Variants in CRPPA observed in about 807,000 individuals in gnomAD.
CRPPA encodes D-ribitol-5-phosphate cytidylyltransferase.
In CRPPA, 43 loss-of-function variants were observed where a neutral mutation model predicts 52.0. That is an observed-to-expected ratio of 0.83 (90% CI 0.65 to 1.07). CRPPA has a LOEUF of 1.07. CRPPA is among the 50% of genes least tolerant of loss of function. The pLI is 0.00. For synonymous variants in CRPPA, 250 were observed against 203.5 expected (o/e 1.23, Z -1.94); for missense variants, 629 against 551.7 (o/e 1.14, Z -1.40).
chr7:16,266,527 G>T (rs1173400768), intron 6 of CRPPA, among the ~76,000 whole-genome samples: 3 of 149,436 alleles, frequency 2.0e-5, no homozygotes, highest in Non-Finnish European at 4.4e-5. Context: ...CACCCATGCT[G>T]GAGTGCAGTC....
chr7:16,265,234 T>TAA (rs1431852741), intron 6 of CRPPA, among the ~76,000 whole-genome samples: 1 of 152,172 alleles, frequency 6.6e-6, no homozygotes, highest in Non-Finnish European at 1.5e-5. Context: ...CCATAGGACT[T>TAA]AAACCCTAGC....
intron 9 of CRPPA, among the ~76,000 whole-genome samples, chr7:16,167,289 T>A (rs1781088731): frequency 6.6e-6 from 1 of 152,168 alleles, no homozygotes; most frequent in Non-Finnish European, 1.5e-5. Flanking sequence ...AATTGGCACT[T>A]ATTTATACAC....
Position 16,089,635 on chromosome 7 carries a change from AT to A in CRPPA, c.*2059del, listed in dbSNP as rs71007743. 118 of 198,234 alleles carry A rather than the reference AT, an allele frequency of 6.0e-4. 1 individual carries two copies. The highest frequency in any genetic ancestry group is 1.3e-3 in the Middle Eastern group (2 of 1,536). 12.3% of individuals were successfully genotyped at this position (198,234 alleles called of 1,614,324 possible). ...TACATACATGTATATGTATGTATGT[AT>A]TTTTTTTTCCCAATGCTGTGAATTG... On this transcript the variant is annotated 3_prime_UTR_variant, in exon 10 of 10. Transcript: ENST00000407010.
chr7:16,241,968 T>TTG (rs1783121892), intron 8 of CRPPA, among the ~76,000 whole-genome samples: 1 of 138,946 alleles, frequency 7.2e-6, no homozygotes, highest in Non-Finnish European at 1.5e-5. Flanking sequence ...TTTTTTTTTT[T>TTG]GTTGGGGGGA....
chr7:16,170,433 C>T (rs1781156431), intron 9 of CRPPA, among the ~76,000 whole-genome samples: 1 of 152,172 alleles, frequency 6.6e-6, no homozygotes, highest in African/African-American at 2.4e-5. Flanking sequence ...GAGTTTCTTC[C>T]TTCTGGTGGG....
intron 8 of CRPPA, among the ~76,000 whole-genome samples, chr7:16,242,233 C>T (rs1033633600): frequency 1.3e-5 from 2 of 151,966 alleles, no homozygotes; most frequent in African/African-American, 4.8e-5. Context: ...GGATTACAGG[C>T]TTGAGACACC....
intron 3 of CRPPA, among the ~76,000 whole-genome samples, chr7:16,369,996 C>G (rs1300868917): frequency 1.3e-5 from 2 of 152,162 alleles, no homozygotes; most frequent in Non-Finnish European, 2.9e-5. Context: ...CAGAGCTGGA[C>G]TGGATTTAGG....
intron 3 of CRPPA, among the ~76,000 whole-genome samples, chr7:16,338,965 G>A (rs1179252945): frequency 6.6e-6 from 1 of 151,898 alleles, no homozygotes; most frequent in African/African-American, 2.4e-5. Flanking sequence ...ACAGGCATCC[G>A]TCACCACGCC....
At chr7:16,276,880 G>A (rs373118985) in intron 6 of CRPPA, 1 of 152,130 alleles carries the variant, frequency 6.6e-6, no homozygotes, top group Admixed American at 6.5e-5. Context: ...CTTTAGAAAG[G>A]AGGAGGTAGA....
chr7:16,243,343 A>T (rs1049332918), intron 8 of CRPPA, among the ~76,000 whole-genome samples: 1 of 152,214 alleles, frequency 6.6e-6, no homozygotes, highest in African/African-American at 2.4e-5. Flanking sequence ...TGTCTAGAGT[A>T]GTATCTTTAT....
rs373422736 is a variant in CRPPA at position 16,258,956 on chromosome 7, G to C, written c.990C>G (p.Ile330Met). 1.2e-5 allele frequency: 19 copies of C among 1,611,022 alleles called. No individual in the cohort carries two copies. In the African/African-American group the frequency reaches 2.5e-4, roughly 22 times the overall value. Residue 330 changes from isoleucine (I) to methionine (M), a missense_variant, in exon 7 of 10, where the codon ATC becomes ATG. Ile to Met is a conservative substitution (Grantham distance 10). Transcript: ENST00000407010. ...LGHAGRHLQQ[I>M]ILDQCYNFVC... Reference sequence around the variant, plus strand: ...CAAAATTGTAGCATTGATCTAAGATGATTTGCTGAAGATGTCTGCCAGCAT... The same window carrying C: ...CAAAATTGTAGCATTGATCTAAGATCATTTGCTGAAGATGTCTGCCAGCAT...
intron 3 of CRPPA, among the ~76,000 whole-genome samples, chr7:16,342,074 T>C (rs2704678): frequency 0.36 from 54,933 of 151,976 alleles, 10,363 homozygotes; most frequent in African/African-American, 0.47. Flanking sequence ...CACAGGCACC[T>C]ACACACTTTA....
At chr7:16,319,021 T>C (rs1289483827) in intron 3 of CRPPA, among the ~76,000 whole-genome samples, 3 of 152,192 alleles carry the variant, frequency 2.0e-5, no homozygotes, top group African/African-American at 7.2e-5. Context: ...CATCTCAATA[T>C]ACCCTAACAC....
chr7:16,327,463 G>T (rs1273166180), intron 3 of CRPPA, among the ~76,000 whole-genome samples: 1 of 151,884 alleles, frequency 6.6e-6, no homozygotes. Flanking sequence ...CGCGGTGGCG[G>T]GCGCCTGTAG....
At chr7:16,297,067 A>G (rs976017996) in intron 5 of CRPPA, among the ~76,000 whole-genome samples, 1 of 152,182 alleles carries the variant, frequency 6.6e-6, no homozygotes, top group African/African-American at 2.4e-5. Context: ...AGGAGTAGCT[A>G]TGTGAATCAG....
intron 9 of CRPPA, among the ~76,000 whole-genome samples, chr7:16,160,182 T>G (rs371869683): frequency 2.0e-5 from 3 of 152,250 alleles, no homozygotes; most frequent in Admixed American, 2.0e-4. Flanking sequence ...TAGATCCCAT[T>G]TGTCAATATT....
Position 16,096,531 on chromosome 7 carries a change from G to T in CRPPA, c.1252-4732C>A, listed in dbSNP as rs145389069. ...AGTTTTATAATGAATAGGCAGAGCA[G>T]AACACAGTACAAGCAATCTTGAAGA... is the stretch of plus-strand genomic sequence containing the variant. On this transcript the variant is annotated intron_variant, in intron 9 of 9. Transcript: ENST00000407010. Among the ~76,000 whole-genome samples, 371 of 152,204 alleles carry T rather than the reference G, an allele frequency of 2.4e-3. 1 individual carries two copies. Among genetic ancestry groups the T allele is most frequent in the Non-Finnish European group, 3.9e-3 (266 of 68,002 alleles).
At chr7:16,160,662 A>C (rs1308773623) in intron 9 of CRPPA, among the ~76,000 whole-genome samples, 1 of 152,088 alleles carries the variant, frequency 6.6e-6, no homozygotes, top group Non-Finnish European at 1.5e-5. Context: ...TTTTTGGTTC[A>C]ATATGAAATT....
In CRPPA at chr7:16,312,801, T is replaced by C. The variant is rs1467077875; in HGVS notation, c.685-4174A>G. On this transcript the variant is annotated intron_variant, in intron 3 of 9. Transcript: ENST00000407010. Reference sequence around the variant, plus strand: ...TGTATCATAAATGAGTGTTGTATTTTGTCAAATGCTTTTTCTCTATCCATT... The same window carrying C: ...TGTATCATAAATGAGTGTTGTATTTCGTCAAATGCTTTTTCTCTATCCATT... Among the ~76,000 whole-genome samples, 5 of 152,040 alleles carry C rather than the reference T, an allele frequency of 3.3e-5. No homozygotes were observed. In the East Asian group the frequency reaches 7.7e-4, roughly 23 times the overall value.
Sources: allele counts gnomAD v4.1 joint callset (sites outside exome capture counted in the v4.1 genomes callset), GRCh38; gene constraint gnomAD v4.1.1; transcripts MANE v1.5; gene names NCBI Gene and HGNC (gene_info 2026-07-23, HGNC 2026-07-21).